The following POLR1B variants were observed in gnomAD, a reference collection of about 807,000 sequenced individuals.
POLR1B encodes the protein DNA-directed RNA polymerase I subunit RPA2.
In POLR1B, 30 loss-of-function variants were observed where a neutral mutation model predicts 105.8. That is an observed-to-expected ratio of 0.28 (90% confidence interval 0.21 to 0.38). The LOEUF is 0.38. Ranked by LOEUF, POLR1B falls within the 10% of genes least tolerant of loss-of-function variation. POLR1B has a pLI of 1.00. For missense variants in POLR1B, 976 were observed against 1,435.8 expected (o/e 0.68, Z 5.17); for synonymous variants, 485 against 505.1 (o/e 0.96, Z 0.53).
At chr2:112,568,248 T>C in intron 11 of POLR1B, 111 bp downstream of exon 11, 2 of 1,114,742 alleles carry the variant, frequency 1.8e-6, no homozygotes. Flanking sequence ...ACAACAACAG[T>C]TGGACATTTG....
chr2:112,567,862 AC>A (rs1684378703), intron 10 of POLR1B, 104 bp from the exon 11 acceptor site: 3 of 958,124 alleles, frequency 3.1e-6, no homozygotes, highest in Non-Finnish European at 4.8e-6. Context: ...TAGGGCTTTT[AC>A]CATGGCTGAG....
chr2:112,574,268 G>T (rs1380772965), intron 14 of POLR1B, among the ~76,000 whole-genome samples: 5 of 152,018 alleles, frequency 3.3e-5, no homozygotes, highest in African/African-American at 1.2e-4. Context: ...TCTTATTTTA[G>T]CTTATTTTAC....
chr2:112,562,611 T>TTTG (rs1684047190), intron 9 of POLR1B, among the ~76,000 whole-genome samples: 2 of 152,166 alleles, frequency 1.3e-5, no homozygotes, highest in African/African-American at 4.8e-5. Context: ...ATCTGACCCT[T>TTTG]CAGTAAGTTG....
chr2:112,568,462 A>G (rs770693828), intron 11 of POLR1B, among the ~76,000 whole-genome samples: 4 of 152,214 alleles, frequency 2.6e-5, no homozygotes, highest in Non-Finnish European at 5.9e-5. Flanking sequence ...GTCTTTGCCT[A>G]CATATTTACA....
At chr2:112,560,184 G>A (rs1683901715) in intron 9 of POLR1B, among the ~76,000 whole-genome samples, 1 of 152,022 alleles carries the variant, frequency 6.6e-6, no homozygotes. Flanking sequence ...AGGCTGCAGT[G>A]AGCTGTGATT....
chr2:112,556,233 T>A (rs996509259), intron 7 of POLR1B, among the ~76,000 whole-genome samples: 2 of 150,950 alleles, frequency 1.3e-5, no homozygotes, highest in African/African-American at 4.9e-5. Context: ...AACTTGATTC[T>A]CTAGTTTCAC....
At chr2:112,566,588 T>G (rs1034724123) in intron 10 of POLR1B, among the ~76,000 whole-genome samples, 1 of 152,214 alleles carries the variant, frequency 6.6e-6, no homozygotes, top group Non-Finnish European at 1.5e-5. Context: ...CTGTTACTAC[T>G]TATTTTGATG....
At chr2:112,553,448 G>A (rs1683480645) in intron 7 of POLR1B, 1 of 152,120 alleles carries the variant, frequency 6.6e-6, no homozygotes, top group South Asian at 2.1e-4. Context: ...GAGCAGCTGG[G>A]ACTATAGACA....
intron 1 of POLR1B, among the ~76,000 whole-genome samples, chr2:112,545,541 C>T (rs1231843718): frequency 1.3e-5 from 2 of 152,160 alleles, no homozygotes; most frequent in African/African-American, 4.8e-5. Context: ...CTGTATAGAA[C>T]ATAACTATTA....
intron 7 of POLR1B, 70 bp from the exon 8 acceptor site, chr2:112,557,840 G>T: frequency 1.1e-6 from 1 of 906,436 alleles, no homozygotes; most frequent in Non-Finnish European, 1.5e-6. Flanking sequence ...CCCAATCCTG[G>T]GATTATAGAT....
chr2:112,563,971 A>T lies in POLR1B; in HGVS notation c.1613-395A>T, dbSNP rs145961590. 3.5e-4 allele frequency among the ~76,000 whole-genome samples: 53 copies of T among 152,198 alleles called. No individual in the cohort carries two copies. The East Asian group carries it at 8.7e-3, about 25-fold the overall frequency. On this transcript the variant is annotated intron_variant, in intron 9 of 14. Transcript: ENST00000263331. Reference sequence around the variant, plus strand: ...CTCATCCATTCAGTCTGATTATGGGATTGCAGCAATTCACTCATAGCTTCA... The same window carrying T: ...CTCATCCATTCAGTCTGATTATGGGTTTGCAGCAATTCACTCATAGCTTCA...
intron 14 of POLR1B, among the ~76,000 whole-genome samples, chr2:112,574,334 A>G (rs1033058718): frequency 3.9e-5 from 6 of 152,152 alleles, no homozygotes; most frequent in African/African-American, 1.4e-4. Flanking sequence ...TTTTGTTGCT[A>G]GTTTTCTTTC....
Position 112,572,664 on chromosome 2 carries a change from T to C in POLR1B, c.2177T>C (p.Met726Thr). The change falls in exon 13 of 15, where the codon ATG (methionine) becomes ACG (threonine). Residue 726 changes from methionine to threonine, a missense_variant. Transcript: ENST00000263331. Reference sequence around the variant, plus strand: ...CAGAGTCCCTTGGTGAGACCCTCCATGTATGATTATTATGACATGGATAAC... The same window carrying C: ...CAGAGTCCCTTGGTGAGACCCTCCACGTATGATTATTATGACATGGATAAC... ...TPQSPLVRPS[M>T]YDYYDMDNYP... The C allele has an allele frequency of 1.2e-6, 2 of 1,613,520 alleles. No homozygotes were observed. Among genetic ancestry groups the C allele is most frequent in the Non-Finnish European group, 1.7e-6 (2 of 1,179,660 alleles).
chr2:112,549,157 C>G, intron 3 of POLR1B, 110 bp from the exon 4 acceptor site: 1 of 1,214,746 alleles, frequency 8.2e-7, no homozygotes, highest in Non-Finnish European at 1.2e-6. Flanking sequence ...TACATTTCAC[C>G]TCTGTGTTCC....
At chr2:112,545,810 T>A in intron 1 of POLR1B, 1 of 367,772 alleles carries the variant, frequency 2.7e-6, no homozygotes, top group Non-Finnish European at 5.2e-6. Context: ...CGGCTAATTT[T>A]TTTATTTTTA....
At chr2:112,571,945 T>C (rs13395779) in intron 12 of POLR1B, among the ~76,000 whole-genome samples, 16,248 of 152,216 alleles carry the variant, frequency 0.11, 1,093 homozygotes, top group East Asian at 0.31. Context: ...TACTTATGTG[T>C]TGAGGGTGGT....
At position 112,550,445 on chromosome 2, in the gene POLR1B, C is replaced by T. The variant is rs73955236; in HGVS notation, c.626-421C>T. Among the ~76,000 whole-genome samples, 1,010 of 152,340 alleles carry T rather than the reference C, an allele frequency of 6.6e-3. 13 individuals are homozygous for T. The highest frequency in any genetic ancestry group is 0.023 in the African/African-American group (956 of 41,580). ...GCATGCCTGAATGTCTAGTGATTTTCTTTTGCATCAGTTGATGGTAGTATG... is the reference window on the plus strand; with the variant it reads ...GCATGCCTGAATGTCTAGTGATTTTTTTTTGCATCAGTTGATGGTAGTATG... On this transcript the variant is annotated intron_variant, in intron 4 of 14. Transcript: ENST00000263331.
chr2:112,574,723 TAAAAAA>T (rs61116291), intron 14 of POLR1B, 118 bp from the exon 15 acceptor site: 4,494 of 583,206 alleles, frequency 7.7e-3, no homozygotes, highest in East Asian at 0.018. Flanking sequence ...CCCTGTATCA[TAAAAAA>T]AAAAAAAAAA....
Position 112,547,407 on chromosome 2 carries a change from T to C in POLR1B, c.346-14T>C, listed in dbSNP as rs774145975. The C allele has an allele frequency of 6.2e-7, 1 of 1,608,542 alleles. No individual in the cohort carries two copies. The highest frequency in any genetic ancestry group is 8.5e-7 in the Non-Finnish European group (1 of 1,177,540). On this transcript the variant is annotated splice_polypyrimidine_tract_variant and intron_variant, in intron 2 of 14. Transcript: ENST00000263331. ...TATTTCTGTTAAGTAACTTTTTCTCTTGTTTTCATTTAGGCTGATATCAAC... is the reference window on the plus strand; with the variant it reads ...TATTTCTGTTAAGTAACTTTTTCTCCTGTTTTCATTTAGGCTGATATCAAC...
Sources: gnomAD v4.1 joint callset for allele counts (sites outside exome capture counted in the v4.1 genomes callset) on GRCh38, gnomAD v4.1.1 for gene constraint, MANE v1.5 for transcripts, NCBI Gene and HGNC (gene_info 2026-07-23, HGNC 2026-07-21) for gene names.